Variants in DDX60L observed in about 807,000 individuals in gnomAD.
DDX60L encodes the protein DExD/H-box 60 like, also known as probable ATP-dependent RNA helicase DDX60-like.
A neutral mutation model predicts 211.6 loss-of-function variants in DDX60L; 191 were observed. The observed-to-expected ratio is 0.90, with a 90% CI of 0.80 to 1.02. DDX60L has a LOEUF of 1.02. Among genes scored for constraint, DDX60L ranks in the 50% least tolerant of loss-of-function variants. The pLI, the probability that DDX60L is intolerant of heterozygous loss-of-function variation, is 0.00. For missense variants in DDX60L, 2,007 were observed against 1,984.1 expected (o/e 1.01, Z -0.22); for synonymous variants, 706 against 694.1 (o/e 1.02, Z -0.27).
intron 9 of DDX60L, among the ~76,000 whole-genome samples, chr4:168,446,647 G>T (rs1465248485): frequency 1.2e-4 from 18 of 151,374 alleles, no homozygotes; most frequent in Non-Finnish European, 1.5e-4. Context: ...AAGGCTACAG[G>T]AACCAAAACA....
rs774749148 is a variant in DDX60L at position 168,432,563 on chromosome 4, G to A, written c.1408C>T (p.Pro470Ser). The A allele has an allele frequency of 1.3e-6, 2 of 1,553,046 alleles. No homozygotes were observed. Among genetic ancestry groups the A allele is most frequent in the Non-Finnish European group, 1.7e-6 (2 of 1,147,032 alleles). ...KDLPILKSDDPVVPSLFKQKT... is the reference protein window; with the variant it reads ...KDLPILKSDDSVVPSLFKQKT... Reference sequence around the variant, plus strand: ...TGTTTAAACAGTGAAGGAACAACCGGATCATCACTGTAAAAATAAATACAT... The same window carrying A: ...TGTTTAAACAGTGAAGGAACAACCGAATCATCACTGTAAAAATAAATACAT... The change falls in exon 12 of 38, where the codon CCG becomes TCG. Residue 470 changes from proline (P) to serine (S), a missense_variant. Coordinates refer to ENST00000682922, the MANE Select transcript of DDX60L (RefSeq NM_001012967.3).
intron 36 of DDX60L, among the ~76,000 whole-genome samples, chr4:168,370,189 AACAG>A (rs1328426782): frequency 1.3e-5 from 2 of 152,192 alleles, no homozygotes; most frequent in African/African-American, 2.4e-5. Flanking sequence ...ACAGTGGATG[AACAG>A]ATAAAGAAAA....
chr4:168,400,906 G>A lies in DDX60L; in HGVS notation c.3411C>T (p.Ser1137=), dbSNP rs1746681076. Residue 1137 remains serine, a synonymous_variant, in exon 26 of 38, where the codon AGC becomes AGT. Coordinates refer to ENST00000682922, the MANE Select transcript of DDX60L (RefSeq NM_001012967.3). ...AACTATGACATTCAGTGTGGGGATG[G>A]CTTTTTGTCTCTGTCTTCTCCAGAA... ...CTFLEKTETK[S]HPHTECHSYV... The A allele has an allele frequency of 6.2e-7, 1 of 1,613,280 alleles. No individual in the cohort carries two copies.
chr4:168,423,389 G>A (rs1275088386), intron 15 of DDX60L, among the ~76,000 whole-genome samples: 1 of 151,882 alleles, frequency 6.6e-6, no homozygotes, highest in Non-Finnish European at 1.5e-5. Context: ...CTGTTTTCAG[G>A]AAGCATCTGT....
intron 36 of DDX60L, among the ~76,000 whole-genome samples, chr4:168,371,341 C>T (rs1419186341): frequency 6.7e-6 from 1 of 148,564 alleles, no homozygotes; most frequent in African/African-American, 2.5e-5. Flanking sequence ...GGTAGTAGCC[C>T]CAAAATCCCA....
intron 36 of DDX60L, among the ~76,000 whole-genome samples, chr4:168,369,703 C>A (rs1432154704): frequency 1.3e-5 from 2 of 151,816 alleles, no homozygotes; most frequent in East Asian, 3.9e-4. Context: ...AGATTCATAT[C>A]CAGAATACAT....
At position 168,391,620 on chromosome 4, in the gene DDX60L, C is replaced by G; in HGVS notation, c.3835G>C (p.Ala1279Pro). The G allele has an allele frequency of 1.3e-6, 2 of 1,516,646 alleles. No individual in the cohort carries two copies. Among genetic ancestry groups the G allele is most frequent in the Non-Finnish European group, 1.8e-6 (2 of 1,119,040 alleles). 93.9% of individuals were successfully genotyped at this position (1,516,646 alleles called of 1,614,324 possible). A position where few individuals can be genotyped will look rare whatever the true frequency, so the allele number is the denominator to read the frequency against. The change falls in exon 29 of 38, where the codon GCC becomes CCC. Residue 1279 changes from alanine to proline, a missense_variant. Physicochemically the swap from Ala to Pro is conservative, Grantham distance 27 (BLOSUM62 -1). Coordinates refer to ENST00000682922, the MANE Select transcript of DDX60L (RefSeq NM_001012967.3). The part of the protein sequence containing the change: ...IRVVTATETL[A>P]LGIHMPCKSV... Reference sequence around the variant, plus strand: ...TTGCATGGCATGTGGATCCCTAAGGCAAGTGTTTCAGTAGCTGTCACTACC... The same window carrying G: ...TTGCATGGCATGTGGATCCCTAAGGGAAGTGTTTCAGTAGCTGTCACTACC...
At chr4:168,466,936 TTTTG>T (rs1046379973) in intron 4 of DDX60L, among the ~76,000 whole-genome samples, 10 of 152,208 alleles carry the variant, frequency 6.6e-5, no homozygotes, top group African/African-American at 1.9e-4. Context: ...TTTAGAGGTT[TTTTG>T]TTTGTGTTCT....
chr4:168,441,847 A>G (rs1579667647), intron 9 of DDX60L, among the ~76,000 whole-genome samples: 1 of 152,162 alleles, frequency 6.6e-6, no homozygotes, highest in Non-Finnish European at 1.5e-5. Flanking sequence ...GAACATCACC[A>G]TTTTAATCAT....
rs59466724 is a variant in DDX60L at position 168,403,916 on chromosome 4, T to G, written c.3338+66A>C. On this transcript the variant is annotated intron_variant, in intron 25 of 37. Coordinates refer to ENST00000682922, the MANE Select transcript of DDX60L (RefSeq NM_001012967.3). The stretch of plus-strand genomic sequence containing the variant: ...ACCACTATATATAAATGAGACTAAT[T>G]GAAAACAAAACCAAACAAAAAATTC... 8,713 of 1,080,138 alleles carry G rather than the reference T, an allele frequency of 8.1e-3. 354 individuals carry two copies. The East Asian group carries it at 0.12, about 15-fold the overall frequency. 66.9% of individuals were successfully genotyped at this position (1,080,138 alleles called of 1,614,324 possible). A position where few individuals can be genotyped will look rare whatever the true frequency, so the allele number is the denominator to read the frequency against.
intron 26 of DDX60L, among the ~76,000 whole-genome samples, chr4:168,400,371 G>A (rs1746585544): frequency 6.6e-6 from 1 of 152,082 alleles, no homozygotes; most frequent in African/African-American, 2.4e-5. Context: ...TATTCCTTTG[G>A]GTAGACGCCC....
chr4:168,399,682 G>T (rs1307596210), intron 26 of DDX60L, among the ~76,000 whole-genome samples: 1 of 152,116 alleles, frequency 6.6e-6, no homozygotes, highest in Non-Finnish European at 1.5e-5. Context: ...CCTGAACCAA[G>T]GCAGAGCCAG....
intron 1 of DDX60L, among the ~76,000 whole-genome samples, chr4:168,479,642 A>G (rs895528519): frequency 9.2e-5 from 14 of 152,150 alleles, no homozygotes; most frequent in African/African-American, 2.7e-4. Flanking sequence ...GTACCTTTCC[A>G]GAGAAATAGT....
intron 25 of DDX60L, among the ~76,000 whole-genome samples, chr4:168,403,208 T>C (rs962981472): frequency 6.6e-6 from 1 of 152,226 alleles, no homozygotes; most frequent in African/African-American, 2.4e-5. Context: ...TTAATTTCTC[T>C]TATCATCATC....
At chr4:168,425,375 C>T (rs999819042) in intron 14 of DDX60L, among the ~76,000 whole-genome samples, 1 of 152,148 alleles carries the variant, frequency 6.6e-6, no homozygotes, top group Admixed American at 6.5e-5. Context: ...AGTCACGTGG[C>T]CACACGTGAA....
intron 13 of DDX60L, 87 bp downstream of exon 13, chr4:168,430,391 T>G: frequency 8.4e-7 from 1 of 1,189,066 alleles, no homozygotes; most frequent in South Asian, 1.8e-5. Context: ...AAGAAGAGAA[T>G]GGAAGACACC....
chr4:168,465,235 G>A (rs762292267), intron 4 of DDX60L, among the ~76,000 whole-genome samples: 13 of 151,748 alleles, frequency 8.6e-5, no homozygotes, highest in African/African-American at 1.2e-4. Context: ...GCATTTCTCC[G>A]ATGATTAATA....
At chr4:168,443,086 G>A (rs1386758667) in intron 9 of DDX60L, among the ~76,000 whole-genome samples, 8 of 151,720 alleles carry the variant, frequency 5.3e-5, no homozygotes, top group Non-Finnish European at 8.9e-5. Flanking sequence ...TCTGAGCTAT[G>A]GGAGGACATT....
chr4:168,441,496 C>T lies in DDX60L; in HGVS notation c.1139-4G>A. The T allele has an allele frequency of 1.9e-6, 3 of 1,581,982 alleles. No individual in the cohort carries two copies. The highest frequency in any genetic ancestry group is 2.3e-5 in the South Asian group (2 of 86,034). ...TCTCCCAAATTCAAATGTGGTTCTG[C>T]ATAACAATAAAAAATATTAAAATCT... On this transcript the variant is annotated splice_region_variant and splice_polypyrimidine_tract_variant and intron_variant, in intron 9 of 37. Coordinates refer to ENST00000682922, the MANE Select transcript of DDX60L (RefSeq NM_001012967.3).
Sources: gnomAD v4.1 joint callset for allele counts (sites outside exome capture counted in the v4.1 genomes callset) on GRCh38, gnomAD v4.1.1 for gene constraint, MANE v1.5 for transcripts, NCBI Gene and HGNC (gene_info 2026-07-23, HGNC 2026-07-21) for gene names.